The following IL1RAPL1 variants were observed in gnomAD, a reference collection of about 807,000 sequenced individuals.
IL1RAPL1 encodes the protein interleukin-1 receptor accessory protein-like 1.
A neutral mutation model predicts 48.4 loss-of-function variants in IL1RAPL1; 3 were observed. The ratio of observed to expected loss-of-function variants is 0.06; its 90% CI spans 0.03 to 0.16. The LOEUF (loss-of-function observed/expected upper bound fraction) is 0.16, where lower values mean the gene tolerates loss of function less well. IL1RAPL1 is among the 10% of genes least tolerant of loss of function. IL1RAPL1 has a pLI of 1.00. For synonymous variants in IL1RAPL1, 185 were observed against 187.7 expected (o/e 0.99, Z 0.12); for missense variants, 349 against 530.6 (o/e 0.66, Z 3.36).
rs964232254 is a variant in IL1RAPL1 at position 29,508,250 on chromosome X, G to T, written c.703+108942G>T. 8.1e-5 allele frequency among the ~76,000 whole-genome samples: 9 copies of T among 111,272 alleles called. No individual in the cohort carries two copies. In the South Asian group the frequency reaches 1.1e-3, roughly 14 times the overall value. On this transcript the variant is annotated intron_variant, in intron 5 of 10. Coordinates refer to ENST00000378993, the MANE Select transcript of IL1RAPL1 (RefSeq NM_014271.4). Reference sequence around the variant, plus strand: ...ATCCCAGCTCAAATACACTTAATAAGAGTATCCGACTTTAGGAAGCAGGAT... The same window carrying T: ...ATCCCAGCTCAAATACACTTAATAATAGTATCCGACTTTAGGAAGCAGGAT...
At chrX:28,787,557 G>A (rs73630086) in intron 1 of IL1RAPL1, among the ~76,000 whole-genome samples, 2,686 of 111,360 alleles carry the variant, frequency 0.024, 77 homozygotes, top group African/African-American at 0.082. Context: ...TAAAGGTGCC[G>A]CCATTAAAAT....
At chrX:29,490,254 C>T (rs182290302) in intron 5 of IL1RAPL1, among the ~76,000 whole-genome samples, 11 of 111,163 alleles carry the variant, frequency 9.9e-5, no homozygotes, top group Admixed American at 6.7e-4. Context: ...AGACTGGGCA[C>T]GGGGCAGTGG....
At chrX:29,652,224 A>G (rs1211259246) in intron 5 of IL1RAPL1, among the ~76,000 whole-genome samples, 1 of 112,136 alleles carries the variant, frequency 8.9e-6, no homozygotes, top group Non-Finnish European at 1.9e-5. Flanking sequence ...CAGGGAAATA[A>G]AAGTTTAGAA....
intron 2 of IL1RAPL1, among the ~76,000 whole-genome samples, chrX:28,799,164 A>G (rs1164609482): frequency 9.0e-6 from 1 of 111,687 alleles, no homozygotes; most frequent in African/African-American, 3.3e-5. Flanking sequence ...AAAGAAAAAC[A>G]TTCTGTAATG....
chrX:28,957,843 C>T (rs1414660715), intron 2 of IL1RAPL1, among the ~76,000 whole-genome samples: 1 of 109,254 alleles, frequency 9.2e-6, no homozygotes, highest in Non-Finnish European at 1.9e-5. Flanking sequence ...CCTGTAATCC[C>T]AGCTACTCAG....
chrX:29,318,507 G>C (rs1602167712), intron 3 of IL1RAPL1, among the ~76,000 whole-genome samples: 1 of 112,311 alleles, frequency 8.9e-6, no homozygotes, highest in East Asian at 2.8e-4. Flanking sequence ...CTTTCTGTAG[G>C]TTGTCTGTAA....
chrX:28,763,478 C>A (rs1269892209), intron 1 of IL1RAPL1, among the ~76,000 whole-genome samples: 1 of 111,791 alleles, frequency 8.9e-6, no homozygotes, highest in Non-Finnish European at 1.9e-5. Flanking sequence ...TACATAGAGT[C>A]ACATCTTTCA....
intron 2 of IL1RAPL1, among the ~76,000 whole-genome samples, chrX:29,100,453 G>T (rs567927058): frequency 8.1e-5 from 9 of 111,271 alleles, no homozygotes; most frequent in South Asian, 3.8e-4. Flanking sequence ...ACCTGTGATT[G>T]ACTGAAGTTC....
intron 1 of IL1RAPL1, among the ~76,000 whole-genome samples, chrX:28,643,910 C>T (rs1934577756): frequency 3.6e-5 from 4 of 111,810 alleles, no homozygotes; most frequent in Non-Finnish European, 7.5e-5. Flanking sequence ...AGCTCTGGTC[C>T]TGAGTTTACA....
At chrX:29,836,931 T>C (rs1330792573) in intron 6 of IL1RAPL1, among the ~76,000 whole-genome samples, 2 of 110,198 alleles carry the variant, frequency 1.8e-5, no homozygotes, top group Non-Finnish European at 1.9e-5. Context: ...TGCCTATTGT[T>C]ATCAACATAT....
chrX:29,454,189 A>C (rs1001037114), intron 5 of IL1RAPL1, among the ~76,000 whole-genome samples: 5 of 112,527 alleles, frequency 4.4e-5, no homozygotes, highest in Admixed American at 9.4e-5. Context: ...TCTTCTTCAA[A>C]GTAAGAAAAG....
At chrX:29,076,295 T>G (rs189346556) in intron 2 of IL1RAPL1, among the ~76,000 whole-genome samples, 72 of 111,906 alleles carry the variant, frequency 6.4e-4, no homozygotes, top group Middle Eastern at 9.2e-3. Flanking sequence ...CTCTTCTTTA[T>G]TAAAAACATG....
chrX:28,753,271 A>G (rs1936064871), intron 1 of IL1RAPL1, among the ~76,000 whole-genome samples: 2 of 112,424 alleles, frequency 1.8e-5, no homozygotes, highest in South Asian at 3.6e-4. Flanking sequence ...AAAGAAAGGA[A>G]CTACTACAGG....
At chrX:28,969,003 A>C (rs1057029898) in intron 2 of IL1RAPL1, among the ~76,000 whole-genome samples, 2 of 112,533 alleles carry the variant, frequency 1.8e-5, no homozygotes, top group Admixed American at 9.4e-5. Flanking sequence ...TTCTATAGTA[A>C]AAGCTGTCTA....
chrX:29,002,074 ATC>A (rs1925868108), intron 2 of IL1RAPL1, among the ~76,000 whole-genome samples: 3 of 107,790 alleles, frequency 2.8e-5, no homozygotes, highest in Non-Finnish European at 5.8e-5. Context: ...TTTTTTTTGT[ATC>A]TTTTTAGTAG....
chrX:28,629,986 T>C (rs1934381525), intron 1 of IL1RAPL1, among the ~76,000 whole-genome samples: 1 of 111,695 alleles, frequency 9.0e-6, no homozygotes, highest in Non-Finnish European at 1.9e-5. Context: ...CCTCCTGATA[T>C]GTTAAAAATA....
intron 2 of IL1RAPL1, among the ~76,000 whole-genome samples, chrX:28,822,903 T>C (rs762898691): frequency 4.7e-4 from 52 of 111,816 alleles, no homozygotes; most frequent in African/African-American, 1.6e-3. Flanking sequence ...ACACAACATC[T>C]TTTCCTTATA....
chrX:28,804,807 T>C (rs1936711372), intron 2 of IL1RAPL1, among the ~76,000 whole-genome samples: 1 of 111,594 alleles, frequency 9.0e-6, no homozygotes, highest in African/African-American at 3.2e-5. Context: ...AATTAAGATA[T>C]GGACATCTTT....
chrX:28,710,243 G>A (rs1172762184), intron 1 of IL1RAPL1, among the ~76,000 whole-genome samples: 1 of 109,834 alleles, frequency 9.1e-6, no homozygotes, highest in African/African-American at 3.3e-5. Context: ...ATTCTTGAGG[G>A]GAGATAGACA....
Sources: allele counts gnomAD v4.1 joint callset (sites outside exome capture counted in the v4.1 genomes callset), GRCh38; gene constraint gnomAD v4.1.1; transcripts MANE v1.5; gene names NCBI Gene and HGNC (gene_info 2026-07-23, HGNC 2026-07-21).